Variants in PDGFC observed in about 807,000 individuals in gnomAD.
The protein encoded by PDGFC is platelet derived growth factor C, also known as platelet-derived growth factor C.
Under a neutral mutation model 35.5 loss-of-function variants are expected in PDGFC, and 12 were observed. That is an observed-to-expected ratio of 0.34 (90% CI 0.22 to 0.55). The LOEUF (loss-of-function observed/expected upper bound fraction) is 0.55. Ranked by LOEUF, PDGFC falls within the 20% of genes least tolerant of loss-of-function variation. PDGFC has a pLI of 0.91. For missense variants in PDGFC, 322 were observed against 412.4 expected (o/e 0.78, Z 1.90); for synonymous variants, 159 against 148.8 (o/e 1.07, Z -0.50).
At chr4:156,812,617 C>T (rs571082568) in intron 2 of PDGFC, among the ~76,000 whole-genome samples, 36 of 151,918 alleles carry the variant, frequency 2.4e-4, no homozygotes, top group African/African-American at 8.4e-4. Context: ...GAAAAAGTTG[C>T]TGAAAAAAGA....
chr4:156,910,313 G>A (rs575674139), intron 1 of PDGFC, among the ~76,000 whole-genome samples: 1 of 152,182 alleles, frequency 6.6e-6, no homozygotes, highest in African/African-American at 2.4e-5. Flanking sequence ...CATGTTTCAT[G>A]ACTGTAGTAC....
chr4:156,849,186 A>G (rs577897594), intron 2 of PDGFC, among the ~76,000 whole-genome samples: 2 of 152,124 alleles, frequency 1.3e-5, no homozygotes, highest in East Asian at 3.9e-4. Context: ...CATCTGCTTT[A>G]CTCCTCTGGT....
intron 3 of PDGFC, among the ~76,000 whole-genome samples, chr4:156,810,429 C>T (rs1238842557): frequency 6.6e-6 from 1 of 151,902 alleles, no homozygotes; most frequent in Non-Finnish European, 1.5e-5. Context: ...TTCAATCATA[C>T]ATGATAAATG....
At chr4:156,848,306 T>C (rs1233557740) in intron 2 of PDGFC, among the ~76,000 whole-genome samples, 1 of 151,936 alleles carries the variant, frequency 6.6e-6, no homozygotes, top group African/African-American at 2.4e-5. Flanking sequence ...AATTTTTGTA[T>C]ATTGTTGGGA....
chr4:156,844,759 G>C (rs964838093), intron 2 of PDGFC, among the ~76,000 whole-genome samples: 1 of 152,010 alleles, frequency 6.6e-6, no homozygotes, highest in Non-Finnish European at 1.5e-5. Context: ...TTCTGAAATT[G>C]TATGCATCAA....
chr4:156,945,390 T>TGGG, intron 1 of PDGFC, among the ~76,000 whole-genome samples: 1 of 109,796 alleles, frequency 9.1e-6, no homozygotes, highest in South Asian at 3.0e-4. Context: ...TATATATATA[T>TGGG]AATCAGTAGG....
At position 156,861,552 on chromosome 4, in the gene PDGFC, G is replaced by A. The variant is rs143682796; in HGVS notation, c.119-11136C>T. 267 of 528,380 alleles carry A rather than the reference G, an allele frequency of 5.1e-4. 1 individual carries two copies. In the East Asian group the frequency reaches 0.016, roughly 31 times the overall value. The allele number at this position is 528,380 out of a possible 1,614,324, so 32.7% of individuals were successfully genotyped here. A position where few individuals can be genotyped will look rare whatever the true frequency, so the allele number is the denominator to read the frequency against. On this transcript the variant is annotated intron_variant, in intron 1 of 5. Coordinates refer to ENST00000502773, the MANE Select transcript of PDGFC (RefSeq NM_016205.3). ...GTGACCTCAAATCCTAATCTAGGTGGTTCAGAATCTTCAATTTCAGATTTT... is the reference window on the plus strand; with the variant it reads ...GTGACCTCAAATCCTAATCTAGGTGATTCAGAATCTTCAATTTCAGATTTT...
At chr4:156,956,749 A>C (rs1346809198) in intron 1 of PDGFC, among the ~76,000 whole-genome samples, 20 of 152,174 alleles carry the variant, frequency 1.3e-4, no homozygotes, top group African/African-American at 4.3e-4. Flanking sequence ...TGCTTACTTA[A>C]CATACTATAT....
intron 3 of PDGFC, among the ~76,000 whole-genome samples, chr4:156,802,555 T>TACACACACAC (rs3042776): frequency 3.4e-5 from 5 of 145,676 alleles, no homozygotes; most frequent in African/African-American, 1.2e-4. Context: ...TACACACACA[T>TACACACACAC]ACACACACAC....
chr4:156,809,062 T>G (rs1731852793), intron 3 of PDGFC, among the ~76,000 whole-genome samples: 1 of 152,012 alleles, frequency 6.6e-6, no homozygotes, highest in Non-Finnish European at 1.5e-5. Flanking sequence ...AAACATAGTT[T>G]AATTACAAGA....
intron 1 of PDGFC, among the ~76,000 whole-genome samples, chr4:156,897,350 A>ATGTGTGTGTATGTGTGTGTG (rs1730658344): frequency 7.0e-6 from 1 of 142,986 alleles, no homozygotes; most frequent in Non-Finnish European, 1.5e-5. Context: ...GTGAGAGTGT[A>ATGTGTGTGTATGTGTGTGTG]TGTGTGTGTG....
intron 2 of PDGFC, among the ~76,000 whole-genome samples, chr4:156,823,194 C>T (rs1204243022): frequency 6.6e-6 from 1 of 152,084 alleles, no homozygotes; most frequent in East Asian, 1.9e-4. Context: ...CACCTGTGGT[C>T]AGGAGTTCAA....
At chr4:156,937,004 G>A (rs1208276686) in intron 1 of PDGFC, among the ~76,000 whole-genome samples, 1 of 152,178 alleles carries the variant, frequency 6.6e-6, no homozygotes, top group Non-Finnish European at 1.5e-5. Flanking sequence ...TGAGAAATAA[G>A]ATCAGTTTTG....
chr4:156,953,694 T>C (rs1732139347), intron 1 of PDGFC, among the ~76,000 whole-genome samples: 1 of 151,984 alleles, frequency 6.6e-6, no homozygotes, highest in African/African-American at 2.4e-5. Flanking sequence ...ACCAACAGTA[T>C]GTGTGTCTGT....
chr4:156,809,673 G>C (rs1385427459), intron 3 of PDGFC, among the ~76,000 whole-genome samples: 1 of 150,470 alleles, frequency 6.6e-6, no homozygotes, highest in African/African-American at 2.5e-5. Flanking sequence ...TAACTCCTTG[G>C]GTTATACAAC....
intron 2 of PDGFC, among the ~76,000 whole-genome samples, chr4:156,812,961 T>C (rs1386682904): frequency 6.6e-6 from 1 of 152,088 alleles, no homozygotes; most frequent in East Asian, 1.9e-4. Context: ...ATGATTTTGC[T>C]ATATCACATG....
intron 3 of PDGFC, among the ~76,000 whole-genome samples, chr4:156,800,032 T>C (rs1272411770): frequency 3.3e-5 from 5 of 152,174 alleles, no homozygotes; most frequent in Non-Finnish European, 7.4e-5. Context: ...AAATTTTTGT[T>C]TCTTTCTCAA....
intron 1 of PDGFC, among the ~76,000 whole-genome samples, chr4:156,963,432 C>G (rs752202068): frequency 2.0e-5 from 3 of 152,034 alleles, no homozygotes; most frequent in Non-Finnish European, 2.9e-5. Flanking sequence ...GATCATACCA[C>G]TGCACTCCAG....
At chr4:156,881,229 T>G (rs189053200) in intron 1 of PDGFC, among the ~76,000 whole-genome samples, 3 of 152,328 alleles carry the variant, frequency 2.0e-5, no homozygotes, top group Admixed American at 2.0e-4. Flanking sequence ...GCAAAAAGGT[T>G]ACTACTTGCT....
Sources: gnomAD v4.1 joint callset for allele counts (sites outside exome capture counted in the v4.1 genomes callset) on GRCh38, gnomAD v4.1.1 for gene constraint, MANE v1.5 for transcripts, NCBI Gene and HGNC (gene_info 2026-07-23, HGNC 2026-07-21) for gene names.